NCF2: variants seen among roughly 807,000 people sequenced by gnomAD.
The protein encoded by NCF2 is neutrophil cytosol factor 2.
NCF2 carries 45 observed loss-of-function variants against 70.9 expected under a neutral mutation model. The ratio of observed to expected loss-of-function variants is 0.63; its 90% CI spans 0.50 to 0.81. The LOEUF (loss-of-function observed/expected upper bound fraction) is 0.81. Among genes scored for constraint, NCF2 ranks in the 40% least tolerant of loss-of-function variants. NCF2 has a pLI of 0.00. For missense variants in NCF2, 522 were observed against 631.6 expected (o/e 0.83, Z 1.86); for synonymous variants, 203 against 233.6 (o/e 0.87, Z 1.19).
rs1162685346 is a variant in NCF2 at position 183,590,377 on chromosome 1, GAA to G, written c.-50_-49del. ...CAAGAGAGCTGCCAGGAGACAGAGAGAAGACAGGTTGGAGCGTCTCCCCTAGC... is the reference window on the plus strand; with the variant it reads ...CAAGAGAGCTGCCAGGAGACAGAGAGGACAGGTTGGAGCGTCTCCCCTAGC... On this transcript the variant is annotated 5_prime_UTR_variant, in exon 1 of 15. Transcript: ENST00000367535. 6.2e-7 allele frequency: 1 copy of G among 1,610,590 alleles called. No homozygotes were observed. The highest frequency in any genetic ancestry group is 1.1e-5 in the South Asian group (1 of 90,970).
rs752384353 is a variant in NCF2, at chr1:183,590,174, G to A, written c.156C>T (p.Asn52=). 5.8e-5 allele frequency: 93 copies of A among 1,614,096 alleles called. No individual in the cohort carries two copies. The highest frequency in any genetic ancestry group is 4.2e-4 in the Admixed American group (25 of 60,006). The part of the protein sequence containing the change: ...NIGCMYTILK[N]MTEAEKAFTR... ...CACTCACCTTCTCTGCTTCAGTCAT[G>A]TTCTTCAGGATAGTGTACATGCAGC... The change falls in exon 1 of 15, where the codon AAC becomes AAT. Residue 52 remains asparagine (N), a synonymous_variant. Coordinates refer to ENST00000367535, the MANE Select transcript of NCF2 (RefSeq NM_000433.4).
chr1:183,574,753 C>G, intron 3 of NCF2, 132 bp from the exon 4 acceptor site: 1 of 1,113,616 alleles, frequency 9.0e-7, no homozygotes, highest in Non-Finnish European at 1.3e-6. Context: ...CTGGGAATAT[C>G]TAAAATATAG....
upstream of NCF2, chr1:183,590,473 C>A: frequency 2.3e-6 from 2 of 861,702 alleles, no homozygotes; most frequent in Non-Finnish European, 3.8e-6. Context: ...GCCCAGCCTC[C>A]CTTAAGATAA....
intron 2 of NCF2, among the ~76,000 whole-genome samples, chr1:183,585,624 C>CAGAAAAAAAAAAAAAAA (rs1553259577): frequency 8.7e-6 from 1 of 114,602 alleles, no homozygotes; most frequent in Non-Finnish European, 1.7e-5. Flanking sequence ...AACTCCGTCT[C>CAGAAAAAAAAAAAAAAA]AAAAAAAAAA....
intron 2 of NCF2, among the ~76,000 whole-genome samples, chr1:183,584,009 T>C (rs1194237790): frequency 6.6e-6 from 1 of 152,058 alleles, no homozygotes; most frequent in African/African-American, 2.4e-5. Context: ...GCAGTGCTAG[T>C]GGGGATGGAG....
intron 4 of NCF2, 104 bp from the exon 5 acceptor site, chr1:183,573,396 CA>C: frequency 1.9e-6 from 2 of 1,073,746 alleles, no homozygotes; most frequent in Non-Finnish European, 2.9e-6. Flanking sequence ...GAGATAACCA[CA>C]TAGAAGCCCT....
intron 2 of NCF2, among the ~76,000 whole-genome samples, chr1:183,582,068 C>T (rs1303726196): frequency 6.6e-6 from 1 of 152,224 alleles, no homozygotes; most frequent in Non-Finnish European, 1.5e-5. Flanking sequence ...CACTTGTTTA[C>T]CCAGAGCTGC....
chr1:183,563,307 C>A lies in NCF2; in HGVS notation c.1179-1G>T. 1.2e-6 allele frequency: 2 copies of A among 1,614,070 alleles called. No individual in the cohort carries two copies. The stretch of plus-strand genomic sequence containing the variant: ...CTCATTGCTGTCCCGAGGCCGATAG[C>A]TGGGTGGGGATAATGAGTAAGAATC... On this transcript the variant is annotated splice_acceptor_variant, in intron 12 of 14. Transcript: ENST00000367535. LOFTEE classifies it high-confidence loss of function.
At chr1:183,567,575 A>G (rs929827816) in intron 7 of NCF2, 1 of 654,558 alleles carries the variant, frequency 1.5e-6, no homozygotes, top group Non-Finnish European at 2.8e-6. Flanking sequence ...TAAAGCAAAA[A>G]CCCCACAACA....
chr1:183,567,486 G>T, intron 7 of NCF2, 141 bp from the exon 8 acceptor site: 2 of 1,161,810 alleles, frequency 1.7e-6, no homozygotes, highest in Non-Finnish European at 2.6e-6. Flanking sequence ...ATGACACTGA[G>T]CCTGCCTGGG....
intron 3 of NCF2, 72 bp from the exon 4 acceptor site, chr1:183,574,693 G>A (rs745532316): frequency 1.8e-4 from 286 of 1,559,616 alleles, no homozygotes; most frequent in Non-Finnish European, 2.1e-4. Flanking sequence ...AGGCTCACAC[G>A]TATACTCTGA....
chr1:183,590,818 C>T, upstream of NCF2: 1 of 190,824 alleles, frequency 5.2e-6, no homozygotes, highest in South Asian at 8.5e-5. Context: ...CAGATAGGGG[C>T]AGGTCCCTGG....
Position 183,556,170 on chromosome 1 carries a change from A to G in NCF2, c.1529T>C (p.Phe510Ser). The G allele has an allele frequency of 6.2e-6, 10 of 1,614,200 alleles. No homozygotes were observed. The highest frequency in any genetic ancestry group is 8.5e-6 in the Non-Finnish European group (10 of 1,180,030). Residue 510 changes from phenylalanine (F) to serine (S), a missense_variant, in exon 15 of 15, where the codon TTT becomes TCT. Coordinates refer to ENST00000367535, the MANE Select transcript of NCF2 (RefSeq NM_000433.4). ...KGKVGIFPKV[F>S]VEDCATTDLE... ...ATCTGTAGTTGCGCAGTCTTCAACA[A>G]AAACTTTGGGGAAAATGCCCACCTT...
Position 183,577,583 on chromosome 1 carries a change from G to T in NCF2, c.366+16C>A. ...CATGATCCCCTCCTGCCCAGGCCAG[G>T]CCCTGTTCTCCTTACCTCACAGGCA... On this transcript the variant is annotated intron_variant, in intron 3 of 14. Transcript: ENST00000367535. 6.4e-7 allele frequency: 1 copy of T among 1,568,264 alleles called. No individual in the cohort carries two copies. The highest frequency in any genetic ancestry group is 8.8e-7 in the Non-Finnish European group (1 of 1,138,466).
chr1:183,597,293 A>G, the NCF2 span, among the ~76,000 whole-genome samples: 7 of 152,144 alleles, frequency 4.6e-5, no homozygotes. Context: ...TTCCTGTCTC[A>G]GGATAGTTTT....
the NCF2 span, among the ~76,000 whole-genome samples, chr1:183,596,888 T>A: frequency 6.6e-6 from 1 of 152,170 alleles, no homozygotes; most frequent in Admixed American, 6.5e-5. Context: ...TTCTCTGAAT[T>A]CCTATAGCAT....
In NCF2 at chr1:183,573,235, C is replaced by T; in HGVS notation, c.559G>A (p.Glu187Lys). 1.2e-6 allele frequency: 2 copies of T among 1,614,178 alleles called. No individual in the cohort carries two copies. Among genetic ancestry groups the T allele is most frequent in the Non-Finnish European group, 1.7e-6 (2 of 1,180,024 alleles). Residue 187 changes from glutamate (E) to lysine (K), a missense_variant, in exon 5 of 15, where the codon GAG (glutamate) becomes AAG (lysine). Coordinates refer to ENST00000367535, the MANE Select transcript of NCF2 (RefSeq NM_000433.4). ...IPVGKLFRPNERQVAQLAKKD... is the reference protein window; with the variant it reads ...IPVGKLFRPNKRQVAQLAKKD... ...TTGGCCAGCTGAGCCACTTGTCTCT[C>T]ATTTGGTCGAAACAGCTTGCCCACA... is the stretch of plus-strand genomic sequence containing the variant.
chr1:183,577,341 G>A (rs1023357768), intron 3 of NCF2, among the ~76,000 whole-genome samples: 2 of 152,164 alleles, frequency 1.3e-5, no homozygotes, highest in African/African-American at 4.8e-5. Context: ...AGAGCCCGGG[G>A]GGCTCATTTT....
At chr1:183,583,678 G>A (rs1043398350) in intron 2 of NCF2, among the ~76,000 whole-genome samples, 2 of 152,138 alleles carry the variant, frequency 1.3e-5, no homozygotes, top group African/African-American at 4.8e-5. Flanking sequence ...TATCTGTCAC[G>A]GGCCAGACAT....
Sources: gnomAD v4.1 joint callset for allele counts (sites outside exome capture counted in the v4.1 genomes callset) on GRCh38, gnomAD v4.1.1 for gene constraint, MANE v1.5 for transcripts, NCBI Gene and HGNC (gene_info 2026-07-23, HGNC 2026-07-21) for gene names.